Variants in ATP13A2 observed in about 807,000 individuals in gnomAD.
The protein encoded by ATP13A2 is ATPase cation transporting 13A2.
Under a neutral mutation model 138.3 loss-of-function variants are expected in ATP13A2, and 83 were observed. The observed-to-expected ratio is 0.60, with a 90% CI of 0.50 to 0.72. ATP13A2 has a LOEUF of 0.72. Ranked by LOEUF, ATP13A2 falls within the 30% of genes least tolerant of loss-of-function variation. The pLI, the probability that ATP13A2 is intolerant of heterozygous loss-of-function variation, is 0.00. For synonymous variants in ATP13A2, 663 were observed against 699.0 expected (o/e 0.95, Z 0.81); for missense variants, 1,402 against 1,606.4 (o/e 0.87, Z 2.17).
chr1:16,992,611 T>TG, intron 16 of ATP13A2, 30 bp from the exon 17 acceptor site: 1 of 1,610,736 alleles, frequency 6.2e-7, no homozygotes, highest in South Asian at 1.1e-5. Context: ...GTTTGGTGTC[T>TG]GGGGGCTTTG....
rs764410859 is a variant in ATP13A2, at chr1:16,986,865, G to A, written c.3175C>T (p.Leu1059Phe). The change falls in exon 27 of 29, where the codon CTC becomes TTC. Residue 1059 changes from leucine to phenylalanine, a missense_variant. Leu to Phe is a conservative substitution (Grantham distance 22). Coordinates refer to ENST00000326735, the MANE Select transcript of ATP13A2 (RefSeq NM_022089.4). This position sits in a 1 kb window ranked among gnomAD's most constrained non-coding sequence, Gnocchi z 6.9. ...TTGGACACGGCTGCAGCCAGGATGA[G>A]GTACTGGAAGCTGGACAGAGAGAAG... ...VVFSLSSFQY[L>F]ILAAAVSKGA... 8 of 1,613,954 alleles carry A rather than the reference G, an allele frequency of 5.0e-6. No individual in the cohort carries two copies. Among genetic ancestry groups the A allele is most frequent in the African/African-American group, 1.3e-5 (1 of 74,932 alleles).
Position 16,990,266 on chromosome 1 carries a change from AC to A in ATP13A2, c.2272del (p.Val758Ter), listed in dbSNP as rs1253613176. 6.2e-7 allele frequency: 1 copy of A among 1,614,010 alleles called. No individual in the cohort carries two copies. Among genetic ancestry groups the A allele is most frequent in the Non-Finnish European group, 8.5e-7 (1 of 1,180,030 alleles). On this transcript the variant is annotated frameshift_variant, in exon 21 of 29. Coordinates refer to ENST00000326735, the MANE Select transcript of ATP13A2 (RefSeq NM_022089.4). LOFTEE classifies it high-confidence loss of function. ...MVTGDNLQTA[V>X]TVARGCGMVA... ...CATGCCACAGCCCCGGGCCACAGTC[AC>A]CGCTGTCTGCAGGTTGTCCCCTGGG...
At position 16,986,315 on chromosome 1, in the gene ATP13A2, C is replaced by G. The variant is rs780245221; in HGVS notation, c.3449G>C (p.Arg1150Pro). 1 of 1,588,824 alleles carries G rather than the reference C, an allele frequency of 6.3e-7. No individual in the cohort carries two copies. Among genetic ancestry groups the G allele is most frequent in the Non-Finnish European group, 8.6e-7 (1 of 1,169,162 alleles). Residue 1150 changes from arginine to proline, a missense_variant, in exon 29 of 29, where the codon CGG (arginine) becomes CCG (proline). Transcript: ENST00000326735. The surrounding 1 kb of genome is among the most constrained non-coding windows in gnomAD (Gnocchi z 6.9). ...GCGCTTCTTGGAGGCCCGCTTGGGC[C>G]GGAGGCGGCGCAGGCAGGCGGGGAG... The part of the protein sequence containing the change: ...QCLPACLRRL[R>P]PKRASKKRFK...
Position 16,990,294 on chromosome 1 carries a change from G to T in ATP13A2, c.2252-7C>A, listed in dbSNP as rs574617285. 1.2e-6 allele frequency: 2 copies of T among 1,613,968 alleles called. No homozygotes were observed. Among genetic ancestry groups the T allele is most frequent in the Admixed American group, 1.7e-5 (1 of 60,016 alleles). The stretch of plus-strand genomic sequence containing the variant: ...GCTGTCTGCAGGTTGTCCCCTGGGG[G>T]TTATGGGGCAAGGTGAGGGTCTGAG... On this transcript the variant is annotated splice_polypyrimidine_tract_variant and splice_region_variant and intron_variant, in intron 20 of 28. Transcript: ENST00000326735.
intron 8 of ATP13A2, chr1:17,000,784 A>C (rs1050990031): frequency 3.9e-6 from 2 of 508,778 alleles, no homozygotes; most frequent in African/African-American, 1.9e-5. Flanking sequence ...TCTACAAAAA[A>C]TACAAAAATT....
chr1:16,994,524 C>T (rs560912750), intron 15 of ATP13A2, among the ~76,000 whole-genome samples: 39 of 152,222 alleles, frequency 2.6e-4, no homozygotes, highest in African/African-American at 7.9e-4. Context: ...TGAGCCACCA[C>T]GCCCAGCCTC....
At chr1:16,988,046 C>A (rs1235492643) in intron 25 of ATP13A2, 92 bp downstream of exon 25, 8 of 1,182,654 alleles carry the variant, frequency 6.8e-6, no homozygotes, top group Non-Finnish European at 1.0e-5. Context: ...CCCACGTCAT[C>A]TATTCTGGGA....
chr1:16,989,866 G>A (rs2076864201), intron 22 of ATP13A2, 21 bp downstream of exon 22: 2 of 1,608,518 alleles, frequency 1.2e-6, no homozygotes, highest in Non-Finnish European at 1.7e-6. Flanking sequence ...AGGGCGGCCA[G>A]GGAGCTGGGG....
chr1:17,000,390 T>C lies in ATP13A2; in HGVS notation c.840+10A>G, dbSNP rs747302336. 4 of 1,610,238 alleles carry C rather than the reference T, an allele frequency of 2.5e-6. No individual in the cohort carries two copies. The highest frequency in any genetic ancestry group is 2.2e-5 in the East Asian group (1 of 44,688). ...ACCTGTCCCGTCCCCACCCACCTTATGGCACTCACCTTTCTGGTCTTGTAC... is the reference window on the plus strand; with the variant it reads ...ACCTGTCCCGTCCCCACCCACCTTACGGCACTCACCTTTCTGGTCTTGTAC... On this transcript the variant is annotated intron_variant, in intron 9 of 28. Coordinates refer to ENST00000326735, the MANE Select transcript of ATP13A2 (RefSeq NM_022089.4).
In ATP13A2 at chr1:16,986,847, C is replaced by A. The variant is rs377431904; in HGVS notation, c.3193G>T (p.Val1065Leu). 2 of 1,613,932 alleles carry A rather than the reference C, an allele frequency of 1.2e-6. No homozygotes were observed. The highest frequency in any genetic ancestry group is 1.7e-6 in the Non-Finnish European group (2 of 1,179,996). ...SFQYLILAAA[V>L]SKGAPFRRPL... is the part of the protein sequence containing the mutation. ...CGGCGGAAGGGCGCCCCCTTGGACA[C>A]GGCTGCAGCCAGGATGAGGTACTGG... Residue 1065 changes from valine to leucine, a missense_variant, in exon 27 of 29, where the codon GTG (valine) becomes TTG (leucine). By Grantham distance (32) the Val-to-Leu change is conservative. Coordinates refer to ENST00000326735, the MANE Select transcript of ATP13A2 (RefSeq NM_022089.4). This position sits in a 1 kb window ranked among gnomAD's most constrained non-coding sequence, Gnocchi z 6.9.
intron 23 of ATP13A2, among the ~76,000 whole-genome samples, 167 bp from the exon 24 acceptor site, chr1:16,988,641 T>C (rs1215504540): frequency 6.6e-6 from 1 of 152,036 alleles, no homozygotes; most frequent in Non-Finnish European, 1.5e-5. Context: ...ATTATTATTA[T>C]TATTTTTTGA....
chr1:17,008,821 G>A (rs537529509), intron 1 of ATP13A2, among the ~76,000 whole-genome samples: 83 of 152,160 alleles, frequency 5.5e-4, no homozygotes, highest in African/African-American at 1.6e-3. Flanking sequence ...CAAATTAGCC[G>A]GGCGTGGTGG....
rs144557304 is a variant in ATP13A2, at chr1:16,988,138, C to T, written c.2859G>A (p.Thr953=). The change falls in exon 25 of 29, where the codon ACG becomes ACA. Residue 953 remains threonine, a splice_region_variant and synonymous_variant. Coordinates refer to ENST00000326735, the MANE Select transcript of ATP13A2 (RefSeq NM_022089.4). ...TQFISVLILY[T]INTNLGDLQF... is the part of the protein sequence containing the mutation. Reference sequence around the variant, plus strand: ...GGTACGGAGCTCTGCAGATACTCACCGTGTAGAGGATCAGGACGGAGATGA... The same window carrying T: ...GGTACGGAGCTCTGCAGATACTCACTGTGTAGAGGATCAGGACGGAGATGA... 8.2e-4 allele frequency: 1,315 copies of T among 1,613,308 alleles called. 2 individuals are homozygous for T. The highest frequency in any genetic ancestry group is 7.6e-4 in the Non-Finnish European group (900 of 1,179,336).
In ATP13A2 at chr1:17,001,776, G is replaced by A. The variant is rs543828045; in HGVS notation, c.705+258C>T. 1.4e-4 allele frequency among the ~76,000 whole-genome samples: 22 copies of A among 152,328 alleles called. No homozygotes were observed. In the East Asian group the frequency reaches 3.7e-3, roughly 25 times the overall value. ...GGGACCCCATAGATGCTCAGGCTGC[G>A]TGGATTTGCCTCTTGGCCTCCAATC... On this transcript the variant is annotated intron_variant, in intron 8 of 28. Coordinates refer to ENST00000326735, the MANE Select transcript of ATP13A2 (RefSeq NM_022089.4).
rs1418201460 is a variant in ATP13A2 at position 17,005,691 on chromosome 1, G to C, written c.98C>G (p.Ser33Ter). The change falls in exon 2 of 29, where the codon TCA (serine) becomes TGA (stop). Residue 33 changes from serine (S) to a stop codon, truncating the protein, a stop_gained. Transcript: ENST00000326735. LOFTEE classifies it high-confidence loss of function. ...TSIDPLSSSV[S>*]SVRLSGYCGS... ...CCCACTCTGCCCACTTACCACGGATGAAACTGAGGAGCTGAGGGGATCTAT... is the reference window on the plus strand; with the variant it reads ...CCCACTCTGCCCACTTACCACGGATCAAACTGAGGAGCTGAGGGGATCTAT... 3 of 1,613,998 alleles carry C rather than the reference G, an allele frequency of 1.9e-6. No individual in the cohort carries two copies. Among genetic ancestry groups the C allele is most frequent in the Non-Finnish European group, 2.5e-6 (3 of 1,179,938 alleles).
Position 16,988,144 on chromosome 1 carries a change from G to A in ATP13A2, c.2853C>T (p.Leu951=). Residue 951 remains leucine (L), a synonymous_variant, in exon 25 of 29, where the codon CTC becomes CTT. Transcript: ENST00000326735. ...SLTQFISVLI[L]YTINTNLGDL... ...GAGCTCTGCAGATACTCACCGTGTAGAGGATCAGGACGGAGATGAACTGGG... is the reference window on the plus strand; with the variant it reads ...GAGCTCTGCAGATACTCACCGTGTAAAGGATCAGGACGGAGATGAACTGGG... 1 of 1,613,826 alleles carries A rather than the reference G, an allele frequency of 6.2e-7. No individual in the cohort carries two copies. Among genetic ancestry groups the A allele is most frequent in the South Asian group, 1.1e-5 (1 of 91,052 alleles).
chr1:16,989,638 G>C, intron 23 of ATP13A2, 53 bp downstream of exon 23: 1 of 1,576,972 alleles, frequency 6.3e-7, no homozygotes, highest in Admixed American at 1.7e-5. Context: ...ACAGACGAAC[G>C]GACAAGCTCA....
intron 13 of ATP13A2, 37 bp downstream of exon 13, chr1:16,996,349 G>T (rs765751671): frequency 1.9e-6 from 3 of 1,613,864 alleles, no homozygotes; most frequent in East Asian, 2.2e-5. Context: ...CAGGTGGGGG[G>T]GGCTATGGGC....
rs772920644 is a variant in ATP13A2 at position 16,990,142 on chromosome 1, G to A, written c.2397C>T (p.Ala799=). ...LEFLPMESPT[A]VNGVKDPDQA... is the part of the protein sequence containing the mutation. ...TTAGCCTCACCTTAACGCCATTCAC[G>A]GCTGTGGGGGACTCCATCGGCAGGA... The change falls in exon 21 of 29, where the codon GCC becomes GCT. Residue 799 remains alanine, a synonymous_variant. Coordinates refer to ENST00000326735, the MANE Select transcript of ATP13A2 (RefSeq NM_022089.4). 22 of 1,614,050 alleles carry A rather than the reference G, an allele frequency of 1.4e-5. No individual in the cohort carries two copies. The highest frequency in any genetic ancestry group is 9.9e-5 in the South Asian group (9 of 91,092).
Sources: gnomAD v4.1 joint callset for allele counts (sites outside exome capture counted in the v4.1 genomes callset) on GRCh38, gnomAD v4.1.1 for gene constraint, Gnocchi (gnomAD v3.1) non-coding constraint, MANE v1.5 for transcripts, NCBI Gene and HGNC (gene_info 2026-07-23, HGNC 2026-07-21) for gene names.